The following OTOGL variants were observed in gnomAD, a reference collection of about 807,000 sequenced individuals.
The protein encoded by OTOGL is otogelin like, also known as otogelin-like protein.
OTOGL carries 285 observed loss-of-function variants against 318.5 expected under a neutral mutation model. That is an observed-to-expected ratio of 0.89 (90% CI 0.81 to 0.99). The LOEUF is 0.99. Among genes scored for constraint, OTOGL ranks in the 50% least tolerant of loss-of-function variants. The probability of loss-of-function intolerance (pLI) is 0.00; values close to 1 mark genes in which losing one functional copy is unlikely to be tolerated. For missense variants in OTOGL, 2,899 were observed against 2,845.6 expected (o/e 1.02, Z -0.43); for synonymous variants, 987 against 936.5 (o/e 1.05, Z -0.99).
chr12:80,249,847 G>T (rs1881337447), intron 11 of OTOGL, among the ~76,000 whole-genome samples: 1 of 152,192 alleles, frequency 6.6e-6, no homozygotes, highest in Non-Finnish European at 1.5e-5. Context: ...TCCGAGGCAG[G>T]TGTGGGATAT....
At chr12:80,232,869 T>C (rs377460283) in intron 8 of OTOGL, 23 bp from the exon 9 acceptor site, 87 of 1,549,316 alleles carry the variant, frequency 5.6e-5, no homozygotes, top group Non-Finnish European at 7.3e-5. Flanking sequence ...CATTCTTAGA[T>C]AGCTTTTGTT....
At chr12:80,175,638 C>T (rs1324684369) in intron 1 of OTOGL, among the ~76,000 whole-genome samples, 1 of 152,184 alleles carries the variant, frequency 6.6e-6, no homozygotes, top group East Asian at 1.9e-4. Context: ...TTTTCCCACA[C>T]TGAGCTCTTT....
intron 25 of OTOGL, among the ~76,000 whole-genome samples, 166 bp from the exon 26 acceptor site, chr12:80,278,862 C>T (rs1169155253): frequency 6.6e-6 from 1 of 151,426 alleles, no homozygotes; most frequent in East Asian, 1.9e-4. Context: ...AAAACGTATG[C>T]CTAATTTGTC....
At chr12:80,128,650 G>A (rs928642400) in intron 1 of OTOGL, among the ~76,000 whole-genome samples, 2 of 152,210 alleles carry the variant, frequency 1.3e-5, no homozygotes, top group Non-Finnish European at 2.9e-5. Flanking sequence ...GGAGTCTACA[G>A]AGGCAGGCAG....
chr12:80,366,986 G>A (rs1890581280), intron 53 of OTOGL, among the ~76,000 whole-genome samples: 2 of 151,800 alleles, frequency 1.3e-5, no homozygotes, highest in South Asian at 2.1e-4. Context: ...TATTATTAAT[G>A]TATTTTTATT....
At chr12:80,173,770 C>T (rs781438303) in intron 1 of OTOGL, among the ~76,000 whole-genome samples, 4 of 152,044 alleles carry the variant, frequency 2.6e-5, no homozygotes, top group Non-Finnish European at 5.9e-5. Flanking sequence ...ACCCTTAATC[C>T]TAAGGGTTGT....
At chr12:80,120,488 A>G (rs1010649869) in intron 1 of OTOGL, among the ~76,000 whole-genome samples, 1 of 152,050 alleles carries the variant, frequency 6.6e-6, no homozygotes, top group Non-Finnish European at 1.5e-5. Context: ...TTGAGCCCAG[A>G]TTTTTCCACT....
chr12:80,211,900 G>A (rs1386168040), intron 3 of OTOGL, 49 bp from the exon 4 acceptor site: 1 of 1,442,398 alleles, frequency 6.9e-7, no homozygotes, highest in East Asian at 2.5e-5. Context: ...GGCTTGTTCA[G>A]GTTGCCTAGG....
At chr12:80,311,041 A>G (rs1223876638) in intron 30 of OTOGL, among the ~76,000 whole-genome samples, 1 of 152,222 alleles carries the variant, frequency 6.6e-6, no homozygotes, top group Non-Finnish European at 1.5e-5. Context: ...TTTTCTTTAG[A>G]GAACATTGTC....
intron 18 of OTOGL, among the ~76,000 whole-genome samples, chr12:80,258,370 C>T (rs976507250): frequency 6.6e-6 from 1 of 151,958 alleles, no homozygotes. Flanking sequence ...CCTAAAAAAA[C>T]CAAACAAATA....
At chr12:80,291,659 A>G (rs890655113) in intron 26 of OTOGL, among the ~76,000 whole-genome samples, 3 of 152,226 alleles carry the variant, frequency 2.0e-5, no homozygotes, top group African/African-American at 7.2e-5. Flanking sequence ...GGTCAGCTCT[A>G]TAATGTCAAC....
chr12:80,203,013 T>A (rs1023725214), intron 1 of OTOGL, among the ~76,000 whole-genome samples: 5 of 152,200 alleles, frequency 3.3e-5, no homozygotes, highest in African/African-American at 1.2e-4. Flanking sequence ...TACCTGAGAA[T>A]GAGAATTAGA....
At chr12:80,150,441 G>C (rs754083980) in intron 1 of OTOGL, among the ~76,000 whole-genome samples, 13 of 152,204 alleles carry the variant, frequency 8.5e-5, no homozygotes, top group Non-Finnish European at 1.8e-4. Flanking sequence ...CCAGTAGTCT[G>C]GGAGATCAAA....
chr12:80,341,684 T>C lies in OTOGL; in HGVS notation c.5051-264T>C, dbSNP rs77940378. On this transcript the variant is annotated intron_variant, in intron 43 of 58. Transcript: ENST00000547103. Reference sequence around the variant, plus strand: ...AGAATTAATGTCTTCTTTCTTAATCTTCTCTGATCTCTTCATGTATCTTGA... The same window carrying C: ...AGAATTAATGTCTTCTTTCTTAATCCTCTCTGATCTCTTCATGTATCTTGA... 9.0e-3 allele frequency among the ~76,000 whole-genome samples: 1,377 copies of C among 152,318 alleles called. 12 individuals carry two copies. Among genetic ancestry groups the C allele is most frequent in the African/African-American group, 0.028 (1,143 of 41,560 alleles).
intron 42 of OTOGL, 111 bp downstream of exon 42, chr12:80,337,115 T>C (rs1249765097): frequency 5.2e-6 from 4 of 766,798 alleles, no homozygotes; most frequent in East Asian, 5.4e-5. Context: ...TTAATTGTTA[T>C]ATATAGTAAT....
At chr12:80,269,892 A>G (rs773506318) in intron 22 of OTOGL, among the ~76,000 whole-genome samples, 1 of 152,034 alleles carries the variant, frequency 6.6e-6, no homozygotes, top group Non-Finnish European at 1.5e-5. Context: ...AATGCTCCAC[A>G]CTTATAGGTG....
At chr12:80,251,031 A>G (rs1352513616) in intron 11 of OTOGL, among the ~76,000 whole-genome samples, 1 of 152,220 alleles carries the variant, frequency 6.6e-6, no homozygotes, top group Non-Finnish European at 1.5e-5. Flanking sequence ...AGAATTCAAA[A>G]TCCTCTTTTA....
At position 80,238,922 on chromosome 12, in the gene OTOGL, G is replaced by A. The variant is rs768817282; in HGVS notation, c.889G>A (p.Val297Ile). ...SVQTPDDTKC[V>I]LTPSDFPNPC... The stretch of plus-strand genomic sequence containing the variant: ...GCAAACTCCAGATGACACCAAATGT[G>A]TACTCACACCCTCAGATTTTCCAAA... The change falls in exon 10 of 59, where the codon GTA becomes ATA. Residue 297 changes from valine (V) to isoleucine (I), a missense_variant. Transcript: ENST00000547103. 1.9e-6 allele frequency: 3 copies of A among 1,595,974 alleles called. No individual in the cohort carries two copies. The highest frequency in any genetic ancestry group is 2.5e-6 in the Non-Finnish European group (3 of 1,178,216).
chr12:80,356,216 A>G, intron 47 of OTOGL, 200 bp from the exon 48 acceptor site: 1 of 609,610 alleles, frequency 1.6e-6, no homozygotes, highest in Non-Finnish European at 2.9e-6. Context: ...ACAATAATAG[A>G]AAAATGTCAA....
Sources: gnomAD v4.1 joint callset for allele counts (sites outside exome capture counted in the v4.1 genomes callset) on GRCh38, gnomAD v4.1.1 for gene constraint, MANE v1.5 for transcripts, NCBI Gene and HGNC (gene_info 2026-07-23, HGNC 2026-07-21) for gene names.